Variants in HSPA12A observed in about 807,000 individuals in gnomAD.
HSPA12A encodes the protein heat shock protein family A (Hsp70) member 12A.
Under a neutral mutation model 69.2 loss-of-function variants are expected in HSPA12A, and 28 were observed. The ratio of observed to expected loss-of-function variants is 0.40; its 90% CI spans 0.30 to 0.55. The LOEUF is 0.55. Ranked by LOEUF, HSPA12A falls within the 20% of genes least tolerant of loss-of-function variation. HSPA12A has a pLI of 0.38. For missense variants in HSPA12A, 686 were observed against 900.7 expected (o/e 0.76, Z 3.05); for synonymous variants, 345 against 370.5 (o/e 0.93, Z 0.79).
Position 116,674,651 on chromosome 10 carries a change from G to T in HSPA12A, c.*130C>A. On this transcript the variant is annotated 3_prime_UTR_variant, in exon 12 of 12. Coordinates refer to ENST00000369209, the MANE Select transcript of HSPA12A (RefSeq NM_025015.3). Reference sequence around the variant, plus strand: ...TCACTAATTATTTCTAGCCCTGATTGTTCTCATCTTCCCTGCTGAAATTCA... The same window carrying T: ...TCACTAATTATTTCTAGCCCTGATTTTTCTCATCTTCCCTGCTGAAATTCA... The T allele has an allele frequency of 2.3e-6, 2 of 885,148 alleles. No homozygotes were observed. The highest frequency in any genetic ancestry group is 3.4e-6 in the Non-Finnish European group (2 of 583,988). 54.8% of individuals were successfully genotyped at this position (885,148 alleles called of 1,614,324 possible). A position where few individuals can be genotyped will look rare whatever the true frequency, so the allele number is the denominator to read the frequency against.
At chr10:116,834,305 A>G (rs1034999544) in intron 2 of HSPA12A, among the ~76,000 whole-genome samples, 1 of 152,160 alleles carries the variant, frequency 6.6e-6, no homozygotes, top group African/African-American at 2.4e-5. Context: ...ATTTAACATC[A>G]TTAGTTAACA....
intron 2 of HSPA12A, among the ~76,000 whole-genome samples, chr10:116,761,713 A>G (rs1843977856): frequency 6.6e-6 from 1 of 152,156 alleles, no homozygotes; most frequent in South Asian, 2.1e-4. Context: ...AAAACAAAAC[A>G]AAATCCTTGA....
Position 116,783,258 on chromosome 10 carries a change from G to C in HSPA12A, c.91+51677C>G, listed in dbSNP as rs565055178. Among the ~76,000 whole-genome samples the C allele has an allele frequency of 4.7e-4, 72 of 152,328 alleles. No homozygotes were observed. In the Middle Eastern group the frequency reaches 0.01, roughly 22 times the overall value. The stretch of plus-strand genomic sequence containing the variant: ...TGGGGATCAGGAGAGGCTTTGATGA[G>C]GAGGTGACGTTGGAGACATGTCTGG... On this transcript the variant is annotated intron_variant, in intron 2 of 12. Coordinates refer to the HSPA12A transcript ENST00000635765.
At chr10:116,784,380 C>G (rs1019892287) in intron 2 of HSPA12A, among the ~76,000 whole-genome samples, 1 of 152,244 alleles carries the variant, frequency 6.6e-6, no homozygotes, top group Admixed American at 6.5e-5. Flanking sequence ...TTTCTCTGTT[C>G]TGCAGAGCAT....
intron 10 of HSPA12A, among the ~76,000 whole-genome samples, 155 bp from the exon 11 acceptor site, chr10:116,676,657 G>T (rs1338983754): frequency 6.6e-6 from 1 of 152,154 alleles, no homozygotes; most frequent in Non-Finnish European, 1.5e-5. Flanking sequence ...ACCCTAAACT[G>T]CCAGGACCTG....
chr10:116,731,062 T>C (rs1851138034), intron 1 of HSPA12A, among the ~76,000 whole-genome samples: 1 of 152,192 alleles, frequency 6.6e-6, no homozygotes, highest in Non-Finnish European at 1.5e-5. Flanking sequence ...CATGGGCCCT[T>C]GTGGACTCAG....
At chr10:116,707,567 T>C (rs1850296864) in intron 1 of HSPA12A, among the ~76,000 whole-genome samples, 1 of 152,214 alleles carries the variant, frequency 6.6e-6, no homozygotes, top group Admixed American at 6.5e-5. Context: ...TTGGAGATGC[T>C]GGTCAGTCCC....
At chr10:116,821,005 C>T (rs1353639199) in intron 2 of HSPA12A, among the ~76,000 whole-genome samples, 1 of 152,086 alleles carries the variant, frequency 6.6e-6, no homozygotes, top group Non-Finnish European at 1.5e-5. Context: ...CCCTGCACCC[C>T]TGCAAAATCT....
chr10:116,775,715 C>T (rs1339448640), intron 2 of HSPA12A, among the ~76,000 whole-genome samples: 2 of 152,164 alleles, frequency 1.3e-5, no homozygotes, highest in Non-Finnish European at 2.9e-5. Context: ...GGCCAGGGGG[C>T]CAGAGGATTT....
intron 1 of HSPA12A, among the ~76,000 whole-genome samples, chr10:116,722,997 G>A (rs1484471026): frequency 6.6e-6 from 1 of 151,972 alleles, no homozygotes; most frequent in Non-Finnish European, 1.5e-5. Flanking sequence ...AACAGCAAGG[G>A]CAAAAGCAGA....
intron 1 of HSPA12A, among the ~76,000 whole-genome samples, chr10:116,733,719 G>A (rs1851229095): frequency 6.6e-6 from 1 of 152,176 alleles, no homozygotes; most frequent in African/African-American, 2.4e-5. Flanking sequence ...TGAATAGGAA[G>A]TGACTGTAGG....
intron 1 of HSPA12A, among the ~76,000 whole-genome samples, chr10:116,846,511 G>A (rs768061765): frequency 4.0e-5 from 6 of 151,766 alleles, no homozygotes; most frequent in South Asian, 2.1e-4. Flanking sequence ...TGCCATGCCC[G>A]GCTAATTTTT....
intron 1 of HSPA12A, among the ~76,000 whole-genome samples, chr10:116,837,065 TGGC>T (rs763947464): frequency 6.6e-6 from 1 of 152,176 alleles, no homozygotes; most frequent in Non-Finnish European, 1.5e-5. Context: ...ACCTGTCACT[TGGC>T]GGCGGCAGTG....
intron 1 of HSPA12A, among the ~76,000 whole-genome samples, chr10:116,741,088 T>C (rs192388351): frequency 2.0e-5 from 3 of 151,228 alleles, no homozygotes; most frequent in African/African-American, 7.3e-5. Flanking sequence ...ACTGGGTGTG[T>C]GTTTGGGGAC....
chr10:116,683,861 A>C lies in HSPA12A; in HGVS notation c.765T>G (p.Ile255Met), dbSNP rs1554879084. 2 of 1,600,646 alleles carry C rather than the reference A, an allele frequency of 1.2e-6. No individual in the cohort carries two copies. Among genetic ancestry groups the C allele is most frequent in the Non-Finnish European group, 1.7e-6 (2 of 1,169,752 alleles). Residue 255 changes from isoleucine to methionine, a missense_variant, in exon 7 of 12, where the codon ATT (isoleucine) becomes ATG (methionine). Physicochemically the swap from Ile to Met is conservative, Grantham distance 10. Coordinates refer to ENST00000369209, the MANE Select transcript of HSPA12A (RefSeq NM_025015.3). ...TGACGGCTGCCTTGCTGCTCAGCTC[A>C]ATCATCTGGTGTAGCCGCAGCTTTC... is the stretch of plus-strand genomic sequence containing the variant. ...YCRKLRLHQM[I>M]ELSSKAAVNG...
intron 2 of HSPA12A, among the ~76,000 whole-genome samples, chr10:116,764,743 G>T (rs1844042209): frequency 6.6e-6 from 1 of 152,102 alleles, no homozygotes; most frequent in South Asian, 2.1e-4. Context: ...GGTTTTTAAA[G>T]AGCAAACCCT....
In HSPA12A at chr10:116,671,409, C is replaced by T. The variant is rs1177916993; in HGVS notation, c.*3372G>A. 1 of 152,206 alleles carries T rather than the reference C, an allele frequency of 6.6e-6. No individual in the cohort carries two copies. Among genetic ancestry groups the T allele is most frequent in the Non-Finnish European group, 1.5e-5 (1 of 68,042 alleles). The allele number at this position is 152,206 out of a possible 1,614,324, so 9.4% of individuals were successfully genotyped here. A position where few individuals can be genotyped will look rare whatever the true frequency, so the allele number is the denominator to read the frequency against. On this transcript the variant is annotated 3_prime_UTR_variant, in exon 12 of 12. Coordinates refer to ENST00000369209, the MANE Select transcript of HSPA12A (RefSeq NM_025015.3). ...CAACAACTTTTATATTAGCCATCCA[C>T]TCAAGCCGTTTCCCAGCATACATAT...
upstream of HSPA12A, chr10:116,742,574 C>A: frequency 8.8e-7 from 1 of 1,142,136 alleles, no homozygotes; most frequent in Non-Finnish European, 1.1e-6. Flanking sequence ...TCTGAGCCGC[C>A]GGGCAGCGGG....
intron 2 of HSPA12A, among the ~76,000 whole-genome samples, chr10:116,762,379 T>C (rs782288302): frequency 7.9e-5 from 12 of 152,206 alleles, no homozygotes; most frequent in Admixed American, 5.2e-4. Context: ...GTAAAATACA[T>C]ACCTGATCAT....
Sources: allele counts gnomAD v4.1 joint callset (sites outside exome capture counted in the v4.1 genomes callset), GRCh38; gene constraint gnomAD v4.1.1; transcripts MANE v1.5; gene names NCBI Gene and HGNC (gene_info 2026-07-23, HGNC 2026-07-21).